MYO1D: variants seen among roughly 807,000 people sequenced by gnomAD.
MYO1D encodes myosin ID, also known as unconventional myosin-Id.
In MYO1D, 83 loss-of-function variants were observed where a neutral mutation model predicts 122.0. The observed-to-expected ratio is 0.68, with a 90% CI of 0.57 to 0.82. The LOEUF is 0.82. Ranked by LOEUF, MYO1D falls within the 40% of genes least tolerant of loss-of-function variation. The pLI is 0.00. For missense variants in MYO1D, 1,157 were observed against 1,269.5 expected (o/e 0.91, Z 1.35); for synonymous variants, 464 against 446.9 (o/e 1.04, Z -0.48).
At chr17:32,569,317 A>G (rs928245521) in intron 21 of MYO1D, among the ~76,000 whole-genome samples, 11 of 152,332 alleles carry the variant, frequency 7.2e-5, no homozygotes, top group African/African-American at 2.6e-4. Context: ...CCAAGACACT[A>G]AGTCAGCTAA....
intron 21 of MYO1D, among the ~76,000 whole-genome samples, chr17:32,497,381 C>T (rs979705138): frequency 6.6e-6 from 1 of 152,022 alleles, no homozygotes; most frequent in African/African-American, 2.4e-5. Flanking sequence ...CGCCTGAGCC[C>T]GGGAATTCAA....
chr17:32,662,778 T>C (rs1285018990), intron 16 of MYO1D, among the ~76,000 whole-genome samples: 1 of 152,200 alleles, frequency 6.6e-6, no homozygotes, highest in Non-Finnish European at 1.5e-5. Context: ...TGTAGTGTTA[T>C]GAGGATTAAT....
chr17:32,822,928 A>C (rs1329528615), intron 1 of MYO1D, among the ~76,000 whole-genome samples: 2 of 152,132 alleles, frequency 1.3e-5, no homozygotes, highest in African/African-American at 2.4e-5. Context: ...ACATGTATAC[A>C]TATGTAACAA....
chr17:32,614,072 A>ATTTTTTTTTTTTTTTTTTTTTTTTT, intron 20 of MYO1D, among the ~76,000 whole-genome samples: 3 of 126,622 alleles, frequency 2.4e-5, no homozygotes, highest in Non-Finnish European at 4.8e-5. Context: ...TAATGTTTTA[A>ATTTTTTTTTTTTTTTTTTTTTTTTT]TTTTTTTTTT....
At chr17:32,542,921 C>T (rs1910882623) in intron 21 of MYO1D, among the ~76,000 whole-genome samples, 1 of 152,010 alleles carries the variant, frequency 6.6e-6, no homozygotes. Flanking sequence ...CCCTGGGATT[C>T]AATGATTATA....
In MYO1D at chr17:32,653,832, G is replaced by A; in HGVS notation, c.2595+11C>T. 1 of 1,604,572 alleles carries A rather than the reference G, an allele frequency of 6.2e-7. No individual in the cohort carries two copies. Among genetic ancestry groups the A allele is most frequent in the Non-Finnish European group, 8.5e-7 (1 of 1,171,794 alleles). Reference sequence around the variant, plus strand: ...TCCTTTCCAAGATGATCTGGTTTAAGCTTGCCTTACCTTACGGACGTGACA... The same window carrying A: ...TCCTTTCCAAGATGATCTGGTTTAAACTTGCCTTACCTTACGGACGTGACA... On this transcript the variant is annotated intron_variant, in intron 19 of 21. Transcript: ENST00000318217.
intron 1 of MYO1D, among the ~76,000 whole-genome samples, chr17:32,781,956 G>A (rs1039600957): frequency 6.6e-6 from 1 of 152,186 alleles, no homozygotes; most frequent in Non-Finnish European, 1.5e-5. Flanking sequence ...CCAGCTGAGA[G>A]ATACTGGTAG....
intron 16 of MYO1D, among the ~76,000 whole-genome samples, chr17:32,683,281 G>C (rs993953907): frequency 6.6e-6 from 1 of 151,892 alleles, no homozygotes. Context: ...GCTTTGTTCC[G>C]TTGCTGGTGA....
chr17:32,699,805 A>T (rs964744953), intron 16 of MYO1D, among the ~76,000 whole-genome samples: 5 of 152,318 alleles, frequency 3.3e-5, no homozygotes, highest in African/African-American at 9.6e-5. Context: ...TGTTCTTCCT[A>T]TTTTTGTGAA....
intron 1 of MYO1D, among the ~76,000 whole-genome samples, chr17:32,799,509 C>T (rs2090443815): frequency 6.6e-6 from 1 of 152,056 alleles, no homozygotes; most frequent in African/African-American, 2.4e-5. Context: ...ATAACTTTAT[C>T]TCCCCTCTTA....
At chr17:32,848,087 T>C (rs2090953910) in intron 1 of MYO1D, among the ~76,000 whole-genome samples, 1 of 152,176 alleles carries the variant, frequency 6.6e-6, no homozygotes, top group Non-Finnish European at 1.5e-5. Context: ...GTGTGTACTA[T>C]GAAAAATGGG....
intron 21 of MYO1D, among the ~76,000 whole-genome samples, chr17:32,591,943 G>A (rs2087442886): frequency 6.6e-6 from 1 of 152,166 alleles, no homozygotes; most frequent in Non-Finnish European, 1.5e-5. Context: ...CCCTGATAAA[G>A]AAAGACTGTC....
At chr17:32,767,442 C>A (rs1567631873) in intron 7 of MYO1D, among the ~76,000 whole-genome samples, 194 bp downstream of exon 7, 1 of 152,108 alleles carries the variant, frequency 6.6e-6, no homozygotes, top group Non-Finnish European at 1.5e-5. Context: ...AGTCTCCAAC[C>A]CTATAGTAGC....
intron 20 of MYO1D, among the ~76,000 whole-genome samples, chr17:32,619,059 G>A (rs1235335399): frequency 2.6e-5 from 4 of 152,066 alleles, no homozygotes; most frequent in African/African-American, 9.7e-5. Flanking sequence ...GAGTTCCTGG[G>A]CTCGTCTTGT....
intron 1 of MYO1D, among the ~76,000 whole-genome samples, chr17:32,805,938 G>A (rs1442238257): frequency 6.6e-6 from 1 of 152,130 alleles, no homozygotes; most frequent in Non-Finnish European, 1.5e-5. Flanking sequence ...GGGGTTTGAT[G>A]AGAGGTAAAA....
chr17:32,660,906 AT>A, intron 16 of MYO1D, among the ~76,000 whole-genome samples: 1 of 152,152 alleles, frequency 6.6e-6, no homozygotes, highest in Middle Eastern at 3.2e-3. Context: ...ATGTGATTTA[AT>A]TTCTTAGACA....
Position 32,683,624 on chromosome 17 carries a change from C to A in MYO1D, c.2122-24286G>T, listed in dbSNP as rs542174412. Among the ~76,000 whole-genome samples, 85 of 151,784 alleles carry A rather than the reference C, an allele frequency of 5.6e-4. 1 individual carries two copies. The East Asian group carries it at 0.016, about 29-fold the overall frequency. ...CTGCCGGTTCTCAGATCTCCAGCTGCGTGCTGGGAGAACCACTGCTCTCTT... is the reference window on the plus strand; with the variant it reads ...CTGCCGGTTCTCAGATCTCCAGCTGAGTGCTGGGAGAACCACTGCTCTCTT... On this transcript the variant is annotated intron_variant, in intron 16 of 21. Transcript: ENST00000318217.
At chr17:32,561,211 T>C (rs1285662193) in intron 21 of MYO1D, among the ~76,000 whole-genome samples, 2 of 152,108 alleles carry the variant, frequency 1.3e-5, no homozygotes, top group Non-Finnish European at 1.5e-5. Flanking sequence ...AAGCCCAGTC[T>C]AGCTGGTGAA....
At chr17:32,540,076 T>C (rs1231246030) in intron 21 of MYO1D, among the ~76,000 whole-genome samples, 1 of 152,116 alleles carries the variant, frequency 6.6e-6, no homozygotes, top group Non-Finnish European at 1.5e-5. Context: ...CCGGACACAG[T>C]GGCTCATGCC....
Sources: gnomAD v4.1 joint callset for allele counts (sites outside exome capture counted in the v4.1 genomes callset) on GRCh38, gnomAD v4.1.1 for gene constraint, MANE v1.5 for transcripts, NCBI Gene and HGNC (gene_info 2026-07-23, HGNC 2026-07-21) for gene names.